TBCA: variants seen among roughly 807,000 people sequenced by gnomAD.
TBCA encodes tubulin folding cofactor A.
A neutral mutation model predicts 15.8 loss-of-function variants in TBCA; 6 were observed. The ratio of observed to expected loss-of-function variants is 0.38; its 90% CI spans 0.21 to 0.75. The LOEUF (loss-of-function observed/expected upper bound fraction) is 0.75, where lower values mean the gene tolerates loss of function less well. Ranked by LOEUF, TBCA falls within the 30% of genes least tolerant of loss-of-function variation. The pLI is 0.46. For synonymous variants in TBCA, 32 were observed against 42.3 expected (o/e 0.76, Z 0.94); for missense variants, 90 against 131.2 (o/e 0.69, Z 1.53).
At chr5:77,691,805 T>C (rs1026903291) in intron 3 of TBCA, 2 of 1,037,812 alleles carry the variant, frequency 1.9e-6, no homozygotes, top group Non-Finnish European at 2.3e-6. Context: ...ATTCTCATTT[T>C]GTTGACCCAT....
intron 1 of TBCA, among the ~76,000 whole-genome samples, chr5:77,768,209 T>C (rs568408029): frequency 6.6e-5 from 10 of 152,318 alleles, no homozygotes; most frequent in Non-Finnish European, 1.2e-4. Context: ...AAGATAGGTG[T>C]TAATGATAAT....
At chr5:77,723,583 G>A (rs1028573334) in intron 1 of TBCA, among the ~76,000 whole-genome samples, 2 of 151,956 alleles carry the variant, frequency 1.3e-5, no homozygotes, top group African/African-American at 4.8e-5. Context: ...TGGACTACTT[G>A]TTCTTCCAAA....
At chr5:77,730,389 G>C (rs1746738222) in intron 1 of TBCA, among the ~76,000 whole-genome samples, 1 of 134,548 alleles carries the variant, frequency 7.4e-6, no homozygotes, top group South Asian at 2.3e-4. Context: ...GGCAAAGAAG[G>C]ATTCTTCCCT....
At chr5:77,719,291 A>G (rs1746475352) in intron 1 of TBCA, among the ~76,000 whole-genome samples, 1 of 152,202 alleles carries the variant, frequency 6.6e-6, no homozygotes, top group East Asian at 1.9e-4. Context: ...TCGTATGTTT[A>G]AAGTAAATGA....
At chr5:77,725,107 A>G (rs2112460731) in intron 1 of TBCA, among the ~76,000 whole-genome samples, 1 of 152,234 alleles carries the variant, frequency 6.6e-6, no homozygotes, top group South Asian at 2.1e-4. Context: ...TGTAGAATAT[A>G]CTCCAATTTC....
rs1267987420 is a variant in TBCA, at chr5:77,708,340, T to G, written c.61A>C (p.Lys21Gln). Residue 21 changes from lysine (K) to glutamine (Q), a missense_variant, in exon 2 of 4, where the codon AAA (lysine) becomes CAA (glutamine). Physicochemically the swap from Lys to Gln is moderately conservative, Grantham distance 53. Coordinates refer to ENST00000380377, the MANE Select transcript of TBCA (RefSeq NM_004607.3). ...IKTGVVKRLV[K>Q]EKVMYEKEAK... Reference sequence around the variant, plus strand: ...TCTTTTTCATACATCACTTTTTCTTTGACCAACCTATAAAAAAGCCAAAAA... The same window carrying G: ...TCTTTTTCATACATCACTTTTTCTTGGACCAACCTATAAAAAAGCCAAAAA... 1 of 1,607,594 alleles carries G rather than the reference T, an allele frequency of 6.2e-7. No homozygotes were observed. Among genetic ancestry groups the G allele is most frequent in the Non-Finnish European group, 8.5e-7 (1 of 1,176,434 alleles).
At chr5:77,741,280 TCAC>T (rs1367949649) in intron 1 of TBCA, among the ~76,000 whole-genome samples, 1 of 152,124 alleles carries the variant, frequency 6.6e-6, no homozygotes, top group Non-Finnish European at 1.5e-5. Flanking sequence ...AAAAGTGACT[TCAC>T]CATACCTGAA....
intron 1 of TBCA, chr5:77,715,189 A>T: frequency 1.4e-6 from 1 of 692,692 alleles, no homozygotes; most frequent in Non-Finnish European, 2.6e-6. Flanking sequence ...ATTTTTAGTT[A>T]CATAAAAATG....
intron 1 of TBCA, among the ~76,000 whole-genome samples, chr5:77,750,166 T>C (rs1747288876): frequency 6.6e-6 from 1 of 150,592 alleles, no homozygotes; most frequent in Non-Finnish European, 1.5e-5. Flanking sequence ...AGAGCACAAA[T>C]ATATATATAT....
At chr5:77,747,249 T>C (rs991375152) in intron 1 of TBCA, among the ~76,000 whole-genome samples, 1 of 152,124 alleles carries the variant, frequency 6.6e-6, no homozygotes, top group Non-Finnish European at 1.5e-5. Context: ...GGTCTTACTA[T>C]GTGATTGAAA....
At chr5:77,736,971 C>T (rs1746923358) in intron 1 of TBCA, among the ~76,000 whole-genome samples, 1 of 152,082 alleles carries the variant, frequency 6.6e-6, no homozygotes, top group Non-Finnish European at 1.5e-5. Context: ...GTTGTGCCTG[C>T]TTAAACTAAA....
At chr5:77,730,249 C>T (rs1172976819) in intron 1 of TBCA, among the ~76,000 whole-genome samples, 3 of 152,030 alleles carry the variant, frequency 2.0e-5, no homozygotes, top group Non-Finnish European at 4.4e-5. Context: ...GCCATAAATC[C>T]AAGGACTGGT....
At chr5:77,730,339 A>G (rs948242684) in intron 1 of TBCA, among the ~76,000 whole-genome samples, 2 of 152,204 alleles carry the variant, frequency 1.3e-5, no homozygotes, top group African/African-American at 2.4e-5. Context: ...GCCACAAACC[A>G]AGGAATACCA....
At chr5:77,703,151 T>C (rs35709786) in intron 2 of TBCA, among the ~76,000 whole-genome samples, 12,190 of 152,298 alleles carry the variant, frequency 0.08, 642 homozygotes, top group Middle Eastern at 0.12. Flanking sequence ...ACTGTAACTA[T>C]ATGCAATAAT....
intron 1 of TBCA, among the ~76,000 whole-genome samples, chr5:77,760,331 T>G (rs1245866536): frequency 3.3e-5 from 5 of 152,214 alleles, no homozygotes; most frequent in African/African-American, 1.2e-4. Flanking sequence ...TATACATAAA[T>G]TAGGAATTTG....
At chr5:77,716,547 A>G (rs1465135284) in intron 1 of TBCA, among the ~76,000 whole-genome samples, 5 of 152,182 alleles carry the variant, frequency 3.3e-5, no homozygotes, top group African/African-American at 1.2e-4. Context: ...GCTAAATGCC[A>G]TATATATCAT....
intron 1 of TBCA, among the ~76,000 whole-genome samples, chr5:77,772,885 G>A (rs948288297): frequency 6.6e-6 from 1 of 152,156 alleles, no homozygotes; most frequent in African/African-American, 2.4e-5. Context: ...TAATCTCAAT[G>A]AGTATTTTCT....
chr5:77,745,515 CA>C (rs1747166134), intron 1 of TBCA, among the ~76,000 whole-genome samples: 1 of 152,160 alleles, frequency 6.6e-6, no homozygotes, highest in South Asian at 2.1e-4. Context: ...TCTGAATTTT[CA>C]CAATGAGTTT....
At chr5:77,704,467 G>A (rs1251787003) in intron 2 of TBCA, among the ~76,000 whole-genome samples, 2 of 152,174 alleles carry the variant, frequency 1.3e-5, no homozygotes, top group African/African-American at 2.4e-5. Context: ...AAGAGCCAAA[G>A]TAGTGAGAAG....
Sources: allele counts gnomAD v4.1 joint callset (sites outside exome capture counted in the v4.1 genomes callset), GRCh38; gene constraint gnomAD v4.1.1; transcripts MANE v1.5; gene names NCBI Gene and HGNC (gene_info 2026-07-23, HGNC 2026-07-21).